PYGL: variants seen among roughly 807,000 people sequenced by gnomAD.
PYGL encodes glycogen phosphorylase L.
Under a neutral mutation model 100.1 loss-of-function variants are expected in PYGL, and 90 were observed. The ratio of observed to expected loss-of-function variants is 0.90; its 90% CI spans 0.76 to 1.07. The LOEUF is 1.07. Ranked by LOEUF, PYGL falls within the 50% of genes least tolerant of loss-of-function variation. The pLI, the probability that PYGL is intolerant of heterozygous loss-of-function variation, is 0.00. For missense variants in PYGL, 1,016 were observed against 1,057.6 expected, an observed-to-expected ratio of 0.96 and a Z score of 0.55; for synonymous variants, 373 against 393.0, an observed-to-expected ratio of 0.95 and a Z score of 0.60.
At chr14:50,923,880 A>G (rs2050523496) in intron 5 of PYGL, 89 bp downstream of exon 5, 1 of 1,463,524 alleles carries the variant, frequency 6.8e-7, no homozygotes, top group Non-Finnish European at 9.5e-7. Flanking sequence ...CCCTATACTC[A>G]ATATCACCAC....
At chr14:50,909,830 T>C in intron 17 of PYGL, 65 bp downstream of exon 17, 1 of 1,570,720 alleles carries the variant, frequency 6.4e-7, no homozygotes, top group East Asian at 2.2e-5. Flanking sequence ...GGAAGCCCTC[T>C]GAGGTCACAT....
rs774348663 is a variant in PYGL, at chr14:50,908,364, A to G, written c.2313-27T>C. 1.3e-5 allele frequency: 20 copies of G among 1,522,544 alleles called. No homozygotes were observed. In the South Asian group the frequency reaches 2.0e-4, roughly 15 times the overall value. The allele number at this position is 1,522,544 out of a possible 1,614,324, so 94.3% of individuals were successfully genotyped here. A position where few individuals can be genotyped will look rare whatever the true frequency, so the allele number is the denominator to read the frequency against. Reference sequence around the variant, plus strand: ...TTTTATTTTGTGAGTGGAAGAGGAAAAAAACAGTCAAAATCTTCATTAATA... The same window carrying G: ...TTTTATTTTGTGAGTGGAAGAGGAAGAAAACAGTCAAAATCTTCATTAATA... On this transcript the variant is annotated intron_variant, in intron 18 of 19. Transcript: ENST00000216392.
chr14:50,934,491 A>G (rs981195330), intron 3 of PYGL, among the ~76,000 whole-genome samples: 1 of 152,210 alleles, frequency 6.6e-6, no homozygotes, highest in Non-Finnish European at 1.5e-5. Context: ...TCTCCAAACT[A>G]AAAAAGAAAT....
In PYGL at chr14:50,914,496, C is replaced by CAATAATAATAATAATAATAAT. The variant is rs58316457; in HGVS notation, c.1518+184_1518+204dup. Among the ~76,000 whole-genome samples, 233 of 148,534 alleles carry CAATAATAATAATAATAATAAT rather than the reference C, an allele frequency of 1.6e-3. 1 individual carries two copies. The highest frequency in any genetic ancestry group is 7.1e-3 in the Middle Eastern group (2 of 282). On this transcript the variant is annotated intron_variant, in intron 12 of 19. Transcript: ENST00000216392. ...TGGGTGATAGAGTGAAACTCTGTCT[C>CAATAATAATAATAATAATAAT]AATAATAATAATAATAATAATAATA...
chr14:50,913,539 T>C (rs913969457), intron 12 of PYGL, among the ~76,000 whole-genome samples: 2 of 150,356 alleles, frequency 1.3e-5, no homozygotes, highest in Non-Finnish European at 3.0e-5. Flanking sequence ...GCCTGGCTAA[T>C]TTTTTTTTGT....
Position 50,913,051 on chromosome 14 carries a change from C to T in PYGL, c.1598G>A (p.Arg533Gln), listed in dbSNP as rs778002035. 5.8e-5 allele frequency: 94 copies of T among 1,613,808 alleles called. No individual in the cohort carries two copies. The South Asian group carries it at 8.3e-4, about 14-fold the overall frequency. The part of the protein sequence containing the change: ...HSFLGDDVFL[R>Q]ELAKVKQENK... Reference sequence around the variant, plus strand: ...CACCTGCTTCACCTTGGCGAGTTCCCGGAGGAAGACATCATCACCCAGGAA... The same window carrying T: ...CACCTGCTTCACCTTGGCGAGTTCCTGGAGGAAGACATCATCACCCAGGAA... The change falls in exon 13 of 20, where the codon CGG (arginine) becomes CAG (glutamine). Residue 533 changes from arginine to glutamine, a missense_variant. By Grantham distance (43) the Arg-to-Gln change is conservative. Coordinates refer to ENST00000216392, the MANE Select transcript of PYGL (RefSeq NM_002863.5).
chr14:50,920,587 C>T lies in PYGL; in HGVS notation c.809G>A (p.Arg270Gln), dbSNP rs755488866. 13 of 1,613,032 alleles carry T rather than the reference C, an allele frequency of 8.1e-6. No individual in the cohort carries two copies. Among genetic ancestry groups the T allele is most frequent in the East Asian group, 4.5e-5 (2 of 44,884 alleles). The change falls in exon 7 of 20, where the codon CGA (arginine) becomes CAA (glutamine). Residue 270 changes from arginine to glutamine, a missense_variant. Arg to Gln is a conservative substitution (Grantham distance 43). Coordinates refer to ENST00000216392, the MANE Select transcript of PYGL (RefSeq NM_002863.5). ...CCGGGAGATGTTCTCGGCCAGGTTTCGGTCCAGCACAGCCTGAATGTAGTC... is the reference window on the plus strand; with the variant it reads ...CCGGGAGATGTTCTCGGCCAGGTTTTGGTCCAGCACAGCCTGAATGTAGTC... The part of the protein sequence containing the change: ...VGDYIQAVLD[R>Q]NLAENISRVL...
intron 7 of PYGL, among the ~76,000 whole-genome samples, chr14:50,917,661 C>T (rs532895231): frequency 4.0e-5 from 6 of 151,590 alleles, no homozygotes; most frequent in African/African-American, 9.6e-5. Flanking sequence ...AGCCATGGAC[C>T]GTGTGGAGAA....
chr14:50,915,385 C>T lies in PYGL; in HGVS notation c.1354G>A (p.Ala452Thr), dbSNP rs2050437050. The T allele has an allele frequency of 1.2e-6, 2 of 1,614,092 alleles. No individual in the cohort carries two copies. The highest frequency in any genetic ancestry group is 2.7e-5 in the African/African-American group (2 of 74,938). Reference sequence around the variant, plus strand: ...TGGATTTTAGCCACGCCATTCACAGCATGGGAACCGACAATGCAGAGATGG... The same window carrying T: ...TGGATTTTAGCCACGCCATTCACAGTATGGGAACCGACAATGCAGAGATGG... ...MAHLCIVGSH[A>T]VNGVAKIHSD... The change falls in exon 11 of 20, where the codon GCT (alanine) becomes ACT (threonine). Residue 452 changes from alanine (A) to threonine (T), a missense_variant. Transcript: ENST00000216392.
Position 50,913,200 on chromosome 14 carries a change from C to T in PYGL, c.1519-70G>A, listed in dbSNP as rs2050415696. The T allele has an allele frequency of 5.5e-6, 7 of 1,275,160 alleles. No homozygotes were observed. In the South Asian group the frequency reaches 7.4e-5, roughly 13 times the overall value. The allele number at this position is 1,275,160 out of a possible 1,614,324, so 79.0% of individuals were successfully genotyped here. On this transcript the variant is annotated intron_variant, in intron 12 of 19. Transcript: ENST00000216392. ...TCAAGTCCAAATGGGCAGTTTCTGT[C>T]AGTATTTCTCTCTGTCACCTACCAC...
In PYGL at chr14:50,912,357, G is replaced by A. The variant is rs778604635; in HGVS notation, c.1621-54C>T. 65 of 1,593,810 alleles carry A rather than the reference G, an allele frequency of 4.1e-5. 1 individual carries two copies. The highest frequency in any genetic ancestry group is 7.7e-5 in the South Asian group (7 of 90,680). Reference sequence around the variant, plus strand: ...TCTTTTGGCCTAGAAGAATTGGGTGGTCTGGTTTTTCTTTTTTTTGAGACG... The same window carrying A: ...TCTTTTGGCCTAGAAGAATTGGGTGATCTGGTTTTTCTTTTTTTTGAGACG... On this transcript the variant is annotated intron_variant, in intron 13 of 19. Transcript: ENST00000216392.
chr14:50,930,786 T>G (rs2050594811), intron 4 of PYGL, among the ~76,000 whole-genome samples: 1 of 152,144 alleles, frequency 6.6e-6, no homozygotes, highest in Admixed American at 6.5e-5. Flanking sequence ...GAGCTCAAGT[T>G]TTTTGGAAAC....
rs538214489 is a variant in PYGL at position 50,941,266 on chromosome 14, A to G, written c.243+2895T>C. Among the ~76,000 whole-genome samples, 15 of 152,352 alleles carry G rather than the reference A, an allele frequency of 9.8e-5. 1 individual carries two copies. The highest frequency in any genetic ancestry group is 3.4e-4 in the African/African-American group (14 of 41,580). ...ATAAAACAAAGAAGAGTACTGGGCTAAGAAATGGAGTGTGCAAGTCCTGAC... is the reference window on the plus strand; with the variant it reads ...ATAAAACAAAGAAGAGTACTGGGCTGAGAAATGGAGTGTGCAAGTCCTGAC... On this transcript the variant is annotated intron_variant, in intron 1 of 19. Coordinates refer to ENST00000216392, the MANE Select transcript of PYGL (RefSeq NM_002863.5).
At chr14:50,925,315 T>C (rs963119692) in intron 4 of PYGL, among the ~76,000 whole-genome samples, 8 of 152,222 alleles carry the variant, frequency 5.3e-5, no homozygotes, top group Non-Finnish European at 1.2e-4. Flanking sequence ...CTATTGCATA[T>C]GTGTTGTATT....
intron 1 of PYGL, among the ~76,000 whole-genome samples, chr14:50,941,187 A>G (rs901739876): frequency 2.6e-5 from 4 of 152,216 alleles, no homozygotes; most frequent in Non-Finnish European, 5.9e-5. Flanking sequence ...GGGATCATAT[A>G]CTCAAATGCC....
At chr14:50,943,773 G>GAATA (rs1457482136) in intron 1 of PYGL, among the ~76,000 whole-genome samples, 1 of 152,258 alleles carries the variant, frequency 6.6e-6, no homozygotes, top group Admixed American at 6.5e-5. Context: ...CCAGGGCAGA[G>GAATA]AATAGTGTCC....
rs58316457 is a variant in PYGL at position 50,914,496 on chromosome 14, C to CAAT, written c.1518+202_1518+204dup. Among the ~76,000 whole-genome samples the CAAT allele has an allele frequency of 0.21, 30,684 of 148,406 alleles. 3,548 individuals are homozygous for CAAT. The highest frequency in any genetic ancestry group is 0.43 in the East Asian group (2,148 of 5,050). On this transcript the variant is annotated intron_variant, in intron 12 of 19. Coordinates refer to ENST00000216392, the MANE Select transcript of PYGL (RefSeq NM_002863.5). Reference sequence around the variant, plus strand: ...TGGGTGATAGAGTGAAACTCTGTCTCAATAATAATAATAATAATAATAATA... The same window carrying CAAT: ...TGGGTGATAGAGTGAAACTCTGTCTCAATAATAATAATAATAATAATAATAATA...
intron 19 of PYGL, among the ~76,000 whole-genome samples, chr14:50,906,996 TA>T (rs1303145851): frequency 6.6e-6 from 1 of 152,178 alleles, no homozygotes; most frequent in Non-Finnish European, 1.5e-5. Flanking sequence ...GAAATGTTAG[TA>T]AAACCCACCC....
At chr14:50,938,981 T>C (rs918019332) in intron 1 of PYGL, among the ~76,000 whole-genome samples, 5 of 152,134 alleles carry the variant, frequency 3.3e-5, no homozygotes, top group African/African-American at 1.2e-4. Context: ...TAGAAAATAT[T>C]CCTCCTTGGC....
Sources: allele counts gnomAD v4.1 joint callset (sites outside exome capture counted in the v4.1 genomes callset), GRCh38; gene constraint gnomAD v4.1.1; transcripts MANE v1.5; gene names NCBI Gene and HGNC (gene_info 2026-07-23, HGNC 2026-07-21).